The following ZFAND3 variants were observed in gnomAD, a reference collection of about 807,000 sequenced individuals.
ZFAND3 encodes zinc finger AN1-type containing 3.
Under a neutral mutation model 29.6 loss-of-function variants are expected in ZFAND3, and 10 were observed. The ratio of observed to expected loss-of-function variants is 0.34; its 90% CI spans 0.21 to 0.57. The LOEUF (loss-of-function observed/expected upper bound fraction) is 0.57, where lower values mean the gene tolerates loss of function less well. Ranked by LOEUF, ZFAND3 falls within the 20% of genes least tolerant of loss-of-function variation. The pLI is 0.86. For synonymous variants in ZFAND3, 128 were observed against 112.6 expected, an observed-to-expected ratio of 1.14 and a Z score of -0.87; for missense variants, 230 against 304.5, an observed-to-expected ratio of 0.76 and a Z score of 1.82.
chr6:37,898,487 A>C (rs1446446671), intron 1 of ZFAND3, among the ~76,000 whole-genome samples: 4 of 152,184 alleles, frequency 2.6e-5, no homozygotes, highest in Non-Finnish European at 5.9e-5. Flanking sequence ...GCTATTCCAC[A>C]GCCTTTGAAT....
At chr6:37,946,962 C>G (rs977613427) in intron 2 of ZFAND3, among the ~76,000 whole-genome samples, 10 of 152,058 alleles carry the variant, frequency 6.6e-5, no homozygotes, top group African/African-American at 2.4e-4. Context: ...TGTTAAAGCT[C>G]TGGAGATGGA....
At chr6:38,003,921 C>T (rs1013567845) in intron 2 of ZFAND3, 26 of 310,470 alleles carry the variant, frequency 8.4e-5, no homozygotes, top group African/African-American at 3.9e-4. Flanking sequence ...CACCTTCTGT[C>T]GTCCGAATGA....
At chr6:38,025,240 C>T (rs990434861) in intron 2 of ZFAND3, among the ~76,000 whole-genome samples, 1 of 152,194 alleles carries the variant, frequency 6.6e-6, no homozygotes, top group Non-Finnish European at 1.5e-5. Context: ...GTCACATACT[C>T]TTATTAAGGG....
In ZFAND3 at chr6:37,879,959, TTA is replaced by T. The variant is rs370185687; in HGVS notation, c.72-49998_72-49997del. On this transcript the variant is annotated intron_variant, in intron 1 of 5. Transcript: ENST00000287218. ...ATTCTAAGGCTTAAAAGCAAAATCT[TTA>T]TGTGTGATGTTTTGTATATTTGGCT... Among the ~76,000 whole-genome samples, 39 of 152,322 alleles carry T rather than the reference TTA, an allele frequency of 2.6e-4. No individual in the cohort carries two copies. In the East Asian group the frequency reaches 4.8e-3, roughly 19 times the overall value.
chr6:38,024,152 T>C (rs1403492317), intron 2 of ZFAND3, among the ~76,000 whole-genome samples: 2 of 152,118 alleles, frequency 1.3e-5, no homozygotes, highest in East Asian at 1.9e-4. Flanking sequence ...ATACTAGTTA[T>C]TGAAAATTCA....
chr6:38,038,427 CCTTAAATGAATCTTAGCAA>C (rs1409279779), intron 2 of ZFAND3, among the ~76,000 whole-genome samples: 1 of 152,000 alleles, frequency 6.6e-6, no homozygotes, highest in East Asian at 1.9e-4. Context: ...AATATGTGAG[CCTTAAATGAATCTTAGCAA>C]CTAAAACTGA....
intron 5 of ZFAND3, among the ~76,000 whole-genome samples, chr6:38,141,527 C>A (rs907591502): frequency 1.3e-5 from 2 of 152,226 alleles, no homozygotes; most frequent in African/African-American, 4.8e-5. Flanking sequence ...ATTCAGATTT[C>A]TCTGAAATTT....
intron 1 of ZFAND3, among the ~76,000 whole-genome samples, chr6:37,828,444 C>T (rs1310728550): frequency 6.6e-6 from 1 of 152,072 alleles, no homozygotes; most frequent in South Asian, 2.1e-4. Context: ...CTGGCAAAAT[C>T]GTCTCCTGAA....
At chr6:38,017,931 G>T (rs577416933) in intron 2 of ZFAND3, among the ~76,000 whole-genome samples, 1 of 152,290 alleles carries the variant, frequency 6.6e-6, no homozygotes, top group African/African-American at 2.4e-5. Context: ...ATTCTCAAAA[G>T]TATGCCTTTT....
At chr6:38,096,190 C>T (rs1192490032) in intron 4 of ZFAND3, among the ~76,000 whole-genome samples, 6 of 151,780 alleles carry the variant, frequency 4.0e-5, no homozygotes, top group South Asian at 4.2e-4. Flanking sequence ...CCCAACCCCC[C>T]GAGACAGAGT....
At chr6:37,898,751 A>G (rs1297089409) in intron 1 of ZFAND3, among the ~76,000 whole-genome samples, 1 of 152,186 alleles carries the variant, frequency 6.6e-6, no homozygotes, top group Non-Finnish European at 1.5e-5. Flanking sequence ...TTATTGTTTT[A>G]AATGAGGAAA....
At chr6:37,929,294 C>A (rs1474528702) in intron 1 of ZFAND3, among the ~76,000 whole-genome samples, 1 of 151,970 alleles carries the variant, frequency 6.6e-6, no homozygotes, top group African/African-American at 2.4e-5. Context: ...ATGGTAATAC[C>A]CATCTTAGTG....
At chr6:37,892,893 A>G (rs1198576382) in intron 1 of ZFAND3, among the ~76,000 whole-genome samples, 6 of 152,232 alleles carry the variant, frequency 3.9e-5, no homozygotes, top group Non-Finnish European at 8.8e-5. Flanking sequence ...CTTCTGAAAC[A>G]GACTCAGAAA....
At chr6:37,848,785 T>G (rs948658896) in intron 1 of ZFAND3, among the ~76,000 whole-genome samples, 1 of 152,170 alleles carries the variant, frequency 6.6e-6, no homozygotes, top group Non-Finnish European at 1.5e-5. Flanking sequence ...GTTTTTTTCT[T>G]CCTCAAAATT....
chr6:38,117,100 A>G (rs1025886037), intron 5 of ZFAND3, among the ~76,000 whole-genome samples: 3 of 152,182 alleles, frequency 2.0e-5, no homozygotes, highest in Non-Finnish European at 4.4e-5. Flanking sequence ...AGTATGTACC[A>G]TAAAATTCAG....
rs78095655 is a variant in ZFAND3 at position 37,990,851 on chromosome 6, C to T, written c.112+60852C>T. ...CCAGCACTCTTCCTCACCCTTTCCT[C>T]TTGGCCACCTCCATTACAGATTCTT... On this transcript the variant is annotated intron_variant, in intron 2 of 5. Transcript: ENST00000287218. Among the ~76,000 whole-genome samples, 2,585 of 152,290 alleles carry T rather than the reference C, an allele frequency of 0.017. 253 individuals are homozygous for T. The East Asian group carries it at 0.28, about 16-fold the overall frequency.
chr6:37,864,878 T>C (rs1764561032), intron 1 of ZFAND3, among the ~76,000 whole-genome samples: 1 of 152,184 alleles, frequency 6.6e-6, no homozygotes, highest in South Asian at 2.1e-4. Flanking sequence ...CTCAAGTCCC[T>C]GATGTAAATA....
At chr6:38,115,221 G>C (rs1765393669) in intron 4 of ZFAND3, among the ~76,000 whole-genome samples, 1 of 152,172 alleles carries the variant, frequency 6.6e-6, no homozygotes, top group Non-Finnish European at 1.5e-5. Flanking sequence ...ATCCCATGTA[G>C]ATCTGGGTGA....
Position 37,896,554 on chromosome 6 carries a change from C to CTTTCTTTCTTTCTTTCTTTCTTTCTTTCT in ZFAND3, c.72-33388_72-33387insTTCTTTCTTTCTTTTCTTTCTTTCTTTCT, listed in dbSNP as rs1554153843. 3.8e-3 allele frequency among the ~76,000 whole-genome samples: 517 copies of CTTTCTTTCTTTCTTTCTTTCTTTCTTTCT among 137,802 alleles called. 6 individuals carry two copies. The highest frequency in any genetic ancestry group is 7.8e-3 in the African/African-American group (280 of 35,696). The allele number at this position is 137,802 out of a possible 152,430, so 90.4% of individuals were successfully genotyped here. A position where few individuals can be genotyped will look rare whatever the true frequency, so the allele number is the denominator to read the frequency against. ...TCTTTCTTTCTTTCTTTCTTTCTTTCTTTCTTTCTTTCTTTCTCTCTTTCT... is the reference window on the plus strand; with the variant it reads ...TCTTTCTTTCTTTCTTTCTTTCTTTCTTTCTTTCTTTCTTTCTTTCTTTCTTTCTTTTCTTTCTTTCTTTCTCTCTTTCT... On this transcript the variant is annotated intron_variant, in intron 1 of 5. Transcript: ENST00000287218.
Sources: gnomAD v4.1 joint callset for allele counts (sites outside exome capture counted in the v4.1 genomes callset) on GRCh38, gnomAD v4.1.1 for gene constraint, MANE v1.5 for transcripts, NCBI Gene and HGNC (gene_info 2026-07-23, HGNC 2026-07-21) for gene names.